Variants in PTCH1 observed in about 807,000 individuals in gnomAD.
The protein encoded by PTCH1 is protein patched homolog 1.
In PTCH1, 14 loss-of-function variants were observed where a neutral mutation model predicts 144.6. That is an observed-to-expected ratio of 0.10 (90% CI 0.06 to 0.15). The LOEUF (loss-of-function observed/expected upper bound fraction) is 0.15, where lower values mean the gene tolerates loss of function less well. PTCH1 is among the 10% of genes least tolerant of loss of function. The probability of loss-of-function intolerance (pLI) is 1.00; values close to 1 mark genes in which losing one functional copy is unlikely to be tolerated. For synonymous variants in PTCH1, 833 were observed against 793.6 expected (o/e 1.05, Z -0.83); for missense variants, 1,623 against 1,948.3 (o/e 0.83, Z 3.14).
rs2136584562 is a variant in PTCH1 at position 95,447,423 on chromosome 9, G to A, written c.3833C>T (p.Pro1278Leu). 2.5e-6 allele frequency: 4 copies of A among 1,600,848 alleles called. No individual in the cohort carries two copies. The highest frequency in any genetic ancestry group is 3.4e-6 in the Non-Finnish European group (4 of 1,174,418). ...TVVHPESRHH[P>L]PSNPRQQPHL... is the part of the protein sequence containing the mutation. ...GGGCTGCTGTCTCGGGTTCGAGGGT[G>A]GGTGATGCCTGGATTCGGGATGGAC... is the stretch of plus-strand genomic sequence containing the variant. The change falls in exon 23 of 24, where the codon CCA becomes CTA. Residue 1278 changes from proline (P) to leucine (L), a missense_variant. Pro to Leu is a moderately conservative substitution (Grantham distance 98). Coordinates refer to ENST00000331920, the MANE Select transcript of PTCH1 (RefSeq NM_000264.5).
At chr9:95,496,477 G>T (rs1466228120) in intron 2 of PTCH1, among the ~76,000 whole-genome samples, 1 of 151,584 alleles carries the variant, frequency 6.6e-6, no homozygotes, top group Non-Finnish European at 1.5e-5. Context: ...AAATCAATTG[G>T]TGTGGGAAAC....
In PTCH1 at chr9:95,459,729, A is replaced by G. The variant is rs2136672499; in HGVS notation, c.2758T>C (p.Tyr920His). ...CTGACCCAAGCCGTCAGGTAGATGT[A>G]GAAAGCGCTGGGATTAATGATGCCA... The part of the protein sequence containing the change: ...ADGIINPSAF[Y>H]IYLTAWVSND... The change falls in exon 17 of 24, where the codon TAC becomes CAC. Residue 920 changes from tyrosine to histidine, a missense_variant. Tyr to His is a moderately conservative substitution (Grantham distance 83). Transcript: ENST00000331920. 2 of 1,614,236 alleles carry G rather than the reference A, an allele frequency of 1.2e-6. No individual in the cohort carries two copies. Among genetic ancestry groups the G allele is most frequent in the Non-Finnish European group, 1.7e-6 (2 of 1,180,036 alleles).
At chr9:95,506,858 T>C in intron 1 of PTCH1, 3 of 1,180,174 alleles carry the variant, frequency 2.5e-6, no homozygotes, top group Non-Finnish European at 3.1e-6. Context: ...CCTGAGCGAC[T>C]TGGGGCACTG....
chr9:95,516,915 G>T (rs1216703345), exon 1 of PTCH1: 5 of 1,048,912 alleles, frequency 4.8e-6, no homozygotes, highest in South Asian at 1.6e-5. Context: ...ATAAACTCAA[G>T]GAAAGCAAAG....
intron 3 of PTCH1, 95 bp downstream of exon 3, chr9:95,485,590 C>G: frequency 1.4e-6 from 2 of 1,466,184 alleles, no homozygotes; most frequent in Non-Finnish European, 1.9e-6. Flanking sequence ...ATTTCCAGGG[C>G]AACTTCATTT....
chr9:95,462,542 C>A (rs1261432599), intron 15 of PTCH1, among the ~76,000 whole-genome samples: 1 of 152,222 alleles, frequency 6.6e-6, no homozygotes, highest in African/African-American at 2.4e-5. Flanking sequence ...GCTGTGGGAT[C>A]CGCTGCCAGG....
Position 95,466,330 on chromosome 9 carries a change from A to G in PTCH1, c.2560+786T>C, listed in dbSNP as rs977560399. On this transcript the variant is annotated intron_variant, in intron 15 of 23. Coordinates refer to ENST00000331920, the MANE Select transcript of PTCH1 (RefSeq NM_000264.5). Reference sequence around the variant, plus strand: ...CCAAAGTGCTGGGATTACAGGCGTGAGCCACTGTGCCCCACCAAGAAAGGC... The same window carrying G: ...CCAAAGTGCTGGGATTACAGGCGTGGGCCACTGTGCCCCACCAAGAAAGGC... Among the ~76,000 whole-genome samples the G allele has an allele frequency of 5.9e-5, 9 of 152,378 alleles. No individual in the cohort carries two copies. In the East Asian group the frequency reaches 1.3e-3, roughly 23 times the overall value.
At chr9:95,509,866 G>A (rs1189943303), upstream of PTCH1, among the ~76,000 whole-genome samples, 1 of 152,072 alleles carries the variant, frequency 6.6e-6, no homozygotes, top group Non-Finnish European at 1.5e-5. Flanking sequence ...CTAAAGGGAA[G>A]ACTTAGGCTC....
rs1409230343 is a variant in PTCH1 at position 95,443,606 on chromosome 9, A to C, written c.*2787T>G. The C allele has an allele frequency of 6.6e-6, 1 of 152,536 alleles. No individual in the cohort carries two copies. Among genetic ancestry groups the C allele is most frequent in the Non-Finnish European group, 1.5e-5 (1 of 68,042 alleles). 9.4% of individuals were successfully genotyped at this position (152,536 alleles called of 1,614,324 possible). ...TGCTCTGACTCTCTTAACACTGTTAAACATTTTCTTTCCTTGCTGTAATTT... is the reference window on the plus strand; with the variant it reads ...TGCTCTGACTCTCTTAACACTGTTACACATTTTCTTTCCTTGCTGTAATTT... On this transcript the variant is annotated 3_prime_UTR_variant, in exon 24 of 24. Transcript: ENST00000331920.
intron 1 of PTCH1, 81 bp from the exon 2 acceptor site, chr9:95,506,680 G>GCTTGCGCGCACCCGCCCGCTT (rs1455383562): frequency 1.3e-5 from 17 of 1,350,664 alleles, no homozygotes; most frequent in Non-Finnish European, 1.6e-5. Flanking sequence ...GCACCCGCCC[G>GCTTGCGCGCACCCGCCCGCTT]GTGAGCCCCC....
chr9:95,477,795 A>C (rs2118317251), intron 9 of PTCH1, 93 bp from the exon 10 acceptor site: 2 of 1,543,310 alleles, frequency 1.3e-6, no homozygotes, highest in Non-Finnish European at 1.8e-6. Flanking sequence ...CCCCAAATCA[A>C]AAGGCAGAAC....
At chr9:95,474,738 T>C (rs1840883584) in intron 12 of PTCH1, among the ~76,000 whole-genome samples, 2 of 152,096 alleles carry the variant, frequency 1.3e-5, no homozygotes, top group Non-Finnish European at 2.9e-5. Flanking sequence ...TTGGTTCCTC[T>C]TACATGACAA....
chr9:95,466,482 T>A (rs1163887446), intron 15 of PTCH1, among the ~76,000 whole-genome samples: 2 of 152,076 alleles, frequency 1.3e-5, no homozygotes, highest in East Asian at 3.8e-4. Context: ...GGAGCCTGGG[T>A]AATAATGTGC....
intron 19 of PTCH1, among the ~76,000 whole-genome samples, chr9:95,455,856 G>C (rs1838871193): frequency 6.6e-6 from 1 of 152,212 alleles, no homozygotes. Context: ...AAGCCTGTGA[G>C]TGTGGTCTCA....
chr9:95,500,890 C>A (rs951965377), intron 2 of PTCH1, among the ~76,000 whole-genome samples: 30 of 152,158 alleles, frequency 2.0e-4, no homozygotes, highest in African/African-American at 7.2e-4. Context: ...TTTAGATACC[C>A]CCCACCAAAA....
intron 2 of PTCH1, among the ~76,000 whole-genome samples, chr9:95,490,520 G>GACACAC (rs35550307): frequency 0.021 from 2,877 of 140,324 alleles, 35 homozygotes; most frequent in East Asian, 0.045. Flanking sequence ...CCTTCTATGT[G>GACACAC]ACACACACAC....
chr9:95,511,226 G>C (rs1366796546), upstream of PTCH1, among the ~76,000 whole-genome samples: 4 of 150,756 alleles, frequency 2.7e-5, no homozygotes, highest in Middle Eastern at 3.4e-3. Context: ...GGCTCTCCCC[G>C]CCCCCTTCCT....
chr9:95,460,082 C>T, intron 16 of PTCH1: 5 of 439,390 alleles, frequency 1.1e-5, no homozygotes, highest in South Asian at 1.1e-4. Flanking sequence ...AGAGAATGAA[C>T]AATCTGGAGA....
intron 2 of PTCH1, among the ~76,000 whole-genome samples, chr9:95,497,810 G>A (rs559871120): frequency 6.6e-6 from 1 of 152,224 alleles, no homozygotes; most frequent in East Asian, 1.9e-4. Context: ...GTTTATCTGG[G>A]TTTTGTAGTT....
Sources: allele counts gnomAD v4.1 joint callset (sites outside exome capture counted in the v4.1 genomes callset), GRCh38; gene constraint gnomAD v4.1.1; transcripts MANE v1.5; gene names NCBI Gene and HGNC (gene_info 2026-07-23, HGNC 2026-07-21).